The following ZDHHC21 variants were observed in gnomAD, a reference collection of about 807,000 sequenced individuals.
The protein encoded by ZDHHC21 is zDHHC palmitoyltransferase 21, also known as palmitoyltransferase ZDHHC21.
ZDHHC21 carries 15 observed loss-of-function variants against 34.6 expected under a neutral mutation model. That is an observed-to-expected ratio of 0.43 (90% CI 0.29 to 0.67). ZDHHC21 has a LOEUF of 0.67. Ranked by LOEUF, ZDHHC21 falls within the 30% of genes least tolerant of loss-of-function variation. ZDHHC21 has a pLI of 0.14. For synonymous variants in ZDHHC21, 142 were observed against 101.8 expected (o/e 1.40, Z -2.38); for missense variants, 344 against 327.7 (o/e 1.05, Z -0.38).
In ZDHHC21 at chr9:14,639,973, G is replaced by A. The variant is rs907737044; in HGVS notation, c.544C>T (p.Leu182=). Reference sequence around the variant, plus strand: ...ATAGTAATGCCCATAAAGGCTGCTAGTCTCATTATGGCCAATTCATGTCTA... The same window carrying A: ...ATAGTAATGCCCATAAAGGCTGCTAATCTCATTATGGCCAATTCATGTCTA... ...VFRHELAIMR[L]AAFMGITMLV... is the part of the protein sequence containing the mutation. The change falls in exon 8 of 10, where the codon CTA becomes TTA. Residue 182 remains leucine (L), a synonymous_variant. Transcript: ENST00000380916. 1 of 1,608,742 alleles carries A rather than the reference G, an allele frequency of 6.2e-7. No individual in the cohort carries two copies. Among genetic ancestry groups the A allele is most frequent in the Non-Finnish European group, 8.5e-7 (1 of 1,177,080 alleles).
At position 14,619,059 on chromosome 9, in the gene ZDHHC21, T is replaced by C. The variant is rs759479169; in HGVS notation, c.705A>G (p.Glu235=). Residue 235 remains glutamate, a synonymous_variant, in exon 10 of 10, where the codon GAA becomes GAG. Coordinates refer to ENST00000380916, the MANE Select transcript of ZDHHC21 (RefSeq NM_178566.6). The part of the protein sequence containing the change: ...PRKPWQQTFS[E]VFGTRWKILW... ...GGATCTTCCAACGAGTGCCAAAAAC[T>C]TCTGAGAAGGTCTGCTGCCATGGCT... 1.2e-6 allele frequency: 2 copies of C among 1,612,008 alleles called. No individual in the cohort carries two copies. Among genetic ancestry groups the C allele is most frequent in the Admixed American group, 1.7e-5 (1 of 59,786 alleles).
intron 2 of ZDHHC21, among the ~76,000 whole-genome samples, chr9:14,683,297 C>G (rs569191743): frequency 6.8e-6 from 1 of 147,304 alleles, no homozygotes; most frequent in Non-Finnish European, 1.5e-5. Context: ...ATTGATAGAC[C>G]GCTAGCAAGA....
the ZDHHC21 span, among the ~76,000 whole-genome samples, chr9:14,596,122 G>C: frequency 2.0e-5 from 3 of 152,204 alleles, no homozygotes; most frequent in Non-Finnish European, 2.9e-5. Context: ...GTATGTGAAT[G>C]TTCATGGCAG....
intron 8 of ZDHHC21, among the ~76,000 whole-genome samples, chr9:14,633,206 A>T (rs982193877): frequency 1.3e-5 from 2 of 152,156 alleles, no homozygotes; most frequent in African/African-American, 4.8e-5. Flanking sequence ...TATATCATCT[A>T]AGAGAGAACA....
At chr9:14,630,367 T>C (rs143622926) in intron 8 of ZDHHC21, among the ~76,000 whole-genome samples, 1 of 152,332 alleles carries the variant, frequency 6.6e-6, no homozygotes, top group African/African-American at 2.4e-5. Context: ...ATCATGAGAT[T>C]GTAGCAATTC....
chr9:14,640,052 G>T, intron 7 of ZDHHC21, 40 bp from the exon 8 acceptor site: 1 of 1,113,224 alleles, frequency 9.0e-7, no homozygotes. Flanking sequence ...ATTCAGAGTT[G>T]CTTACATTGC....
the ZDHHC21 span, among the ~76,000 whole-genome samples, chr9:14,601,732 A>G: frequency 6.6e-6 from 1 of 152,210 alleles, no homozygotes; most frequent in Non-Finnish European, 1.5e-5. Flanking sequence ...AATAGCAAAA[A>G]CTATGAACCA....
In ZDHHC21 at chr9:14,674,149, A is replaced by G; in HGVS notation, c.154+38T>C. The G allele has an allele frequency of 2.1e-6, 3 of 1,414,998 alleles. No individual in the cohort carries two copies. In the South Asian group the frequency reaches 5.0e-5, roughly 24 times the overall value. The allele number at this position is 1,414,998 out of a possible 1,614,324, so 87.7% of individuals were successfully genotyped here. A position where few individuals can be genotyped will look rare whatever the true frequency, so the allele number is the denominator to read the frequency against. ...ACCCCAAAAACGTTTACAATGAGAA[A>G]AATAATTATACAAGAAAATAAAGAT... On this transcript the variant is annotated intron_variant, in intron 4 of 9. Transcript: ENST00000380916.
At chr9:14,683,433 T>A (rs1000733349) in intron 2 of ZDHHC21, 1 of 152,080 alleles carries the variant, frequency 6.6e-6, no homozygotes, top group Admixed American at 6.5e-5. Flanking sequence ...TCTATGCAAA[T>A]AAACTAGAAA....
intron 2 of ZDHHC21, among the ~76,000 whole-genome samples, chr9:14,684,959 T>C (rs892476898): frequency 6.6e-6 from 1 of 152,196 alleles, no homozygotes; most frequent in African/African-American, 2.4e-5. Flanking sequence ...GGGAAAGGAT[T>C]CCCTATTTAA....
rs1823598156 is a variant in ZDHHC21 at position 14,613,119 on chromosome 9, A to T, written c.*5847T>A. On this transcript the variant is annotated 3_prime_UTR_variant, in exon 10 of 10. Transcript: ENST00000380916. Reference sequence around the variant, plus strand: ...CCAAGCTATATTAAAATACAAAATTAAAATCCATACATGCCTACCTAAAAA... The same window carrying T: ...CCAAGCTATATTAAAATACAAAATTTAAATCCATACATGCCTACCTAAAAA... 1 of 151,898 alleles carries T rather than the reference A, an allele frequency of 6.6e-6. No homozygotes were observed. The highest frequency in any genetic ancestry group is 1.5e-5 in the Non-Finnish European group (1 of 67,846). 9.4% of individuals were successfully genotyped at this position (151,898 alleles called of 1,614,324 possible). A position where few individuals can be genotyped will look rare whatever the true frequency, so the allele number is the denominator to read the frequency against.
At chr9:14,590,592 G>A in the ZDHHC21 span, among the ~76,000 whole-genome samples, 1 of 152,120 alleles carries the variant, frequency 6.6e-6, no homozygotes, top group Non-Finnish European at 1.5e-5. Context: ...TAGAATGGAA[G>A]GGGCTGAATG....
intron 8 of ZDHHC21, among the ~76,000 whole-genome samples, chr9:14,638,672 T>C (rs1019424203): frequency 2.2e-4 from 33 of 149,714 alleles, no homozygotes; most frequent in South Asian, 4.2e-4. Context: ...AACTCAACAA[T>C]TAAAAAAAAA....
At chr9:14,684,465 G>C (rs62539795) in intron 2 of ZDHHC21, among the ~76,000 whole-genome samples, 40,898 of 143,966 alleles carry the variant, frequency 0.28, 6,186 homozygotes, top group South Asian at 0.4. Context: ...GCCTCAAAGA[G>C]AATAAAATAC....
At chr9:14,604,713 C>G in the ZDHHC21 span, among the ~76,000 whole-genome samples, 1 of 152,146 alleles carries the variant, frequency 6.6e-6, no homozygotes, top group South Asian at 2.1e-4. Flanking sequence ...TGGCAAAAAG[C>G]ACATGAGATC....
In ZDHHC21 at chr9:14,618,889, T is replaced by C; in HGVS notation, c.*77A>G. ...GGTGGATTTTAATTGACTTGAAGAC[T>C]GTCATAGTTCTATTATCATAAAACC... On this transcript the variant is annotated 3_prime_UTR_variant, in exon 10 of 10. Coordinates refer to ENST00000380916, the MANE Select transcript of ZDHHC21 (RefSeq NM_178566.6). 7.1e-7 allele frequency: 1 copy of C among 1,414,072 alleles called. No individual in the cohort carries two copies. Among genetic ancestry groups the C allele is most frequent in the Non-Finnish European group, 9.3e-7 (1 of 1,071,674 alleles). 87.6% of individuals were successfully genotyped at this position (1,414,072 alleles called of 1,614,324 possible).
chr9:14,619,297 A>G (rs1162107581), intron 9 of ZDHHC21, among the ~76,000 whole-genome samples, 199 bp from the exon 10 acceptor site: 2 of 152,182 alleles, frequency 1.3e-5, no homozygotes, highest in Non-Finnish European at 2.9e-5. Flanking sequence ...TGTGTCGTCA[A>G]TCAACCGAGC....
chr9:14,685,885 A>G (rs1329738629), intron 2 of ZDHHC21, among the ~76,000 whole-genome samples: 1 of 152,228 alleles, frequency 6.6e-6, no homozygotes, highest in Non-Finnish European at 1.5e-5. Context: ...ATAAAAAAGG[A>G]TGAGTTCATG....
intron 8 of ZDHHC21, among the ~76,000 whole-genome samples, chr9:14,624,860 T>A (rs73644811): frequency 0.085 from 12,983 of 152,116 alleles, 1,520 homozygotes; most frequent in African/African-American, 0.27. Flanking sequence ...AATTACTGAT[T>A]TGATCATTAC....
Sources: allele counts gnomAD v4.1 joint callset (sites outside exome capture counted in the v4.1 genomes callset), GRCh38; gene constraint gnomAD v4.1.1; transcripts MANE v1.5; gene names NCBI Gene and HGNC (gene_info 2026-07-23, HGNC 2026-07-21).